The following SPOCK1 variants were observed in gnomAD, a reference collection of about 807,000 sequenced individuals.
The protein encoded by SPOCK1 is SPARC (osteonectin), cwcv and kazal like domains proteoglycan 1, also known as testican-1.
Under a neutral mutation model 55.3 loss-of-function variants are expected in SPOCK1, and 23 were observed. That is an observed-to-expected ratio of 0.42 (90% confidence interval 0.30 to 0.59). The LOEUF (loss-of-function observed/expected upper bound fraction) is 0.59. Ranked by LOEUF, SPOCK1 falls within the 20% of genes least tolerant of loss-of-function variation. The pLI is 0.22. For missense variants in SPOCK1, 499 were observed against 552.5 expected, an observed-to-expected ratio of 0.90 and a Z score of 0.97; for synonymous variants, 226 against 221.0, an observed-to-expected ratio of 1.02 and a Z score of -0.20.
chr5:137,222,611 A>T (rs746315391), intron 3 of SPOCK1, among the ~76,000 whole-genome samples: 1 of 152,216 alleles, frequency 6.6e-6, no homozygotes, highest in Admixed American at 6.5e-5. Context: ...ACTGAAAAAG[A>T]AAAAAAGACA....
intron 3 of SPOCK1, among the ~76,000 whole-genome samples, chr5:137,240,490 C>T (rs1358834856): frequency 6.6e-6 from 1 of 152,140 alleles, no homozygotes. Flanking sequence ...TGGGCTAAGC[C>T]ATTCATGAGG....
intron 2 of SPOCK1, among the ~76,000 whole-genome samples, chr5:137,356,826 T>G (rs1441026218): frequency 4.7e-3 from 90 of 19,312 alleles, no homozygotes; most frequent in African/African-American, 0.012. Flanking sequence ...TATATATATA[T>G]ATATATATAT....
At chr5:137,044,063 A>AT (rs1376449089) in intron 6 of SPOCK1, among the ~76,000 whole-genome samples, 1 of 152,200 alleles carries the variant, frequency 6.6e-6, no homozygotes, top group African/African-American at 2.4e-5. Flanking sequence ...ATGTGAAAAA[A>AT]TTAACATTAA....
intron 2 of SPOCK1, among the ~76,000 whole-genome samples, chr5:137,321,244 C>T (rs1023963475): frequency 1.4e-5 from 2 of 147,202 alleles, no homozygotes; most frequent in African/African-American, 5.0e-5. Context: ...TACTATGGGA[C>T]ACCACAGAGA....
intron 2 of SPOCK1, among the ~76,000 whole-genome samples, chr5:137,389,270 C>G (rs573809181): frequency 6.6e-6 from 1 of 152,360 alleles, no homozygotes; most frequent in East Asian, 1.9e-4. Flanking sequence ...CTGGTCCTGT[C>G]TGTCCCCTCA....
chr5:137,147,369 A>T (rs1754218580), intron 3 of SPOCK1, among the ~76,000 whole-genome samples: 3 of 152,218 alleles, frequency 2.0e-5, no homozygotes, highest in African/African-American at 7.2e-5. Context: ...TTGAATGTCC[A>T]TCTGTGTTAG....
intron 3 of SPOCK1, among the ~76,000 whole-genome samples, chr5:137,198,611 CTCTG>C (rs1420600804): frequency 2.8e-4 from 42 of 152,312 alleles, no homozygotes; most frequent in African/African-American, 6.5e-4. Context: ...TTTTGCTCAT[CTCTG>C]TCTATTTACT....
intron 4 of SPOCK1, among the ~76,000 whole-genome samples, chr5:137,123,425 C>T (rs913519078): frequency 3.9e-5 from 6 of 152,130 alleles, no homozygotes; most frequent in South Asian, 2.1e-4. Flanking sequence ...ACATTTGCCC[C>T]GTGTTCCCAG....
intron 4 of SPOCK1, among the ~76,000 whole-genome samples, chr5:137,120,761 G>A (rs1456829413): frequency 6.6e-6 from 1 of 152,130 alleles, no homozygotes; most frequent in African/African-American, 2.4e-5. Flanking sequence ...AATCTAAAAA[G>A]GAAATGCATT....
chr5:137,440,281 G>C (rs1441421578), intron 2 of SPOCK1, among the ~76,000 whole-genome samples: 5 of 71,716 alleles, frequency 7.0e-5, no homozygotes, highest in Admixed American at 5.7e-4. Flanking sequence ...AGATAAACTT[G>C]AGAAAAGCTC....
At chr5:137,245,468 A>G (rs1455998434) in intron 3 of SPOCK1, among the ~76,000 whole-genome samples, 2 of 152,230 alleles carry the variant, frequency 1.3e-5, no homozygotes, top group Non-Finnish European at 2.9e-5. Flanking sequence ...ATCAATAGTT[A>G]AGGACATAGC....
chr5:137,386,564 A>G (rs567951410), intron 2 of SPOCK1, among the ~76,000 whole-genome samples: 1 of 152,352 alleles, frequency 6.6e-6, no homozygotes, highest in East Asian at 1.9e-4. Flanking sequence ...CAAATGGGTA[A>G]AAGGTAGTCT....
chr5:137,316,658 C>G (rs1272890414), intron 2 of SPOCK1, among the ~76,000 whole-genome samples: 1 of 152,188 alleles, frequency 6.6e-6, no homozygotes, highest in African/African-American at 2.4e-5. Flanking sequence ...GAATTCAGAA[C>G]TGTACAAGTT....
At chr5:136,981,871 CATTTT>C (rs909793339) in intron 9 of SPOCK1, among the ~76,000 whole-genome samples, 1 of 152,136 alleles carries the variant, frequency 6.6e-6, no homozygotes, top group Non-Finnish European at 1.5e-5. Context: ...AGTTCTATTC[CATTTT>C]AAGTTATGAG....
intron 2 of SPOCK1, among the ~76,000 whole-genome samples, chr5:137,422,529 T>C (rs1163984873): frequency 6.6e-6 from 1 of 152,240 alleles, no homozygotes; most frequent in East Asian, 1.9e-4. Flanking sequence ...CATCATTTCA[T>C]TCATTTGATC....
chr5:137,004,213 A>G (rs1343019665), intron 6 of SPOCK1, among the ~76,000 whole-genome samples: 1 of 152,190 alleles, frequency 6.6e-6, no homozygotes, highest in African/African-American at 2.4e-5. Context: ...AATCCTGGAG[A>G]TGCCTGGACC....
intron 5 of SPOCK1, among the ~76,000 whole-genome samples, chr5:137,072,641 A>G (rs561953703): frequency 1.3e-5 from 2 of 152,370 alleles, no homozygotes; most frequent in South Asian, 4.1e-4. Flanking sequence ...TGTAAAGCAC[A>G]GCTAACAACC....
At chr5:137,039,338 TAGG>T (rs71583271) in intron 6 of SPOCK1, among the ~76,000 whole-genome samples, 57 of 135,106 alleles carry the variant, frequency 4.2e-4, no homozygotes, top group Middle Eastern at 4.1e-3. Context: ...CCCGGAGCCC[TAGG>T]AGAACAGAGG....
chr5:137,134,394 G>A (rs1753942195), intron 4 of SPOCK1, among the ~76,000 whole-genome samples: 2 of 152,042 alleles, frequency 1.3e-5, no homozygotes, highest in Admixed American at 1.3e-4. Context: ...CTCTGAAGAG[G>A]GAAACCCAAA....
Sources: allele counts gnomAD v4.1 joint callset (sites outside exome capture counted in the v4.1 genomes callset), GRCh38; gene constraint gnomAD v4.1.1; transcripts MANE v1.5; gene names NCBI Gene and HGNC (gene_info 2026-07-23, HGNC 2026-07-21).